The following ANKRD18B variants were observed in gnomAD, a reference collection of about 807,000 sequenced individuals.
ANKRD18B encodes the protein ankyrin repeat domain 18B.
In ANKRD18B, 75 loss-of-function variants were observed where a neutral mutation model predicts 111.8. The ratio of observed to expected loss-of-function variants is 0.67; its 90% CI spans 0.56 to 0.81. ANKRD18B has a LOEUF of 0.81. Among genes scored for constraint, ANKRD18B ranks in the 40% least tolerant of loss-of-function variants. The pLI, the probability that ANKRD18B is intolerant of heterozygous loss-of-function variation, is 0.00. For synonymous variants in ANKRD18B, 356 were observed against 417.3 expected (o/e 0.85, Z 1.79); for missense variants, 1,038 against 1,225.5 (o/e 0.85, Z 2.28).
chr9:33,547,106 G>A (rs1332755525), intron 10 of ANKRD18B, among the ~76,000 whole-genome samples: 25 of 152,140 alleles, frequency 1.6e-4, no homozygotes, highest in Admixed American at 1.6e-3. Context: ...GCCCCACAAG[G>A]TCACATCCTC....
At chr9:33,559,010 G>A (rs561790479) in intron 14 of ANKRD18B, among the ~76,000 whole-genome samples, 1 of 152,318 alleles carries the variant, frequency 6.6e-6, no homozygotes, top group South Asian at 2.1e-4. Flanking sequence ...CAAGTCATAG[G>A]TGGGTTTTAA....
At chr9:33,573,143 T>C (rs546377529), downstream of ANKRD18B, 3 of 1,370,290 alleles carry the variant, frequency 2.2e-6, 1 homozygote, top group African/African-American at 4.4e-5. Context: ...TGTTCTAAAC[T>C]AATGTTGTAT....
At chr9:33,545,090 G>A (rs951470756) in intron 10 of ANKRD18B, among the ~76,000 whole-genome samples, 19 of 152,188 alleles carry the variant, frequency 1.2e-4, no homozygotes, top group South Asian at 1.2e-3. Context: ...AGGTCTTATC[G>A]TTGCATTTAT....
In ANKRD18B at chr9:33,548,002, T is replaced by C; in HGVS notation, c.1214T>C (p.Ile405Thr). 1.3e-6 allele frequency: 2 copies of C among 1,497,908 alleles called. No homozygotes were observed. The highest frequency in any genetic ancestry group is 1.8e-6 in the Non-Finnish European group (2 of 1,126,014). The allele number at this position is 1,497,908 out of a possible 1,614,324, so 92.8% of individuals were successfully genotyped here. A position where few individuals can be genotyped will look rare whatever the true frequency, so the allele number is the denominator to read the frequency against. ...MFGNFMLKRD[I>T]AMLKEELYAI... Reference sequence around the variant, plus strand: ...GGAAATTTTATGTTGAAGAGAGACATTGCCATGCTCAAAGAGGAATTATAT... The same window carrying C: ...GGAAATTTTATGTTGAAGAGAGACACTGCCATGCTCAAAGAGGAATTATAT... Residue 405 changes from isoleucine to threonine, a missense_variant, in exon 11 of 19, where the codon ATT (isoleucine) becomes ACT (threonine). This residue lies in a region of ANKRD18B where 205 missense variants were observed against 201.3 expected (regional missense o/e 1.02). Transcript: ENST00000684830.
chr9:33,563,399 T>C (rs1828635588), intron 14 of ANKRD18B, among the ~76,000 whole-genome samples: 1 of 152,208 alleles, frequency 6.6e-6, no homozygotes, highest in South Asian at 2.1e-4. Context: ...ATGTGTTTGA[T>C]GGTTGATGCT....
chr9:33,566,391 C>T lies in ANKRD18B; in HGVS notation c.2633C>T (p.Thr878Ile), dbSNP rs1233046567. The change falls in exon 15 of 19, where the codon ACA becomes ATA. Residue 878 changes from threonine (T) to isoleucine (I), a missense_variant. This residue lies in a region of ANKRD18B where 524 missense variants were observed against 677.9 expected (regional missense o/e 0.77). Coordinates refer to ENST00000684830, the MANE Select transcript of ANKRD18B (RefSeq NM_001393611.1). ...MLEEKVLNLK[T>I]HMEKDMVELG... ...GAAGAAAAAGTATTAAATCTTAAGA[C>T]ACATATGGAAAAAGATATGGTAGAA... 1.9e-6 allele frequency: 3 copies of T among 1,599,866 alleles called. No homozygotes were observed. Among genetic ancestry groups the T allele is most frequent in the Non-Finnish European group, 2.6e-6 (3 of 1,171,838 alleles).
chr9:33,541,088 G>A, intron 8 of ANKRD18B, 59 bp from the exon 9 acceptor site: 1 of 1,529,066 alleles, frequency 6.5e-7, no homozygotes, highest in Non-Finnish European at 8.8e-7. Flanking sequence ...TGCCAGGTAA[G>A]GAGGCAGAGG....
intron 9 of ANKRD18B, 74 bp from the exon 10 acceptor site, chr9:33,543,111 T>C (rs1828303600): frequency 1.5e-6 from 2 of 1,302,848 alleles, no homozygotes; most frequent in East Asian, 2.5e-5. Context: ...GTGTGTGTTG[T>C]TTTGTATCAA....
intron 10 of ANKRD18B, among the ~76,000 whole-genome samples, 163 bp from the exon 11 acceptor site, chr9:33,547,775 T>C (rs535746563): frequency 1.4e-4 from 22 of 151,962 alleles, no homozygotes; most frequent in Non-Finnish European, 2.1e-4. Context: ...TTGAAATGTA[T>C]GTTCTCTAAG....
At chr9:33,556,633 G>C (rs1049373012) in intron 13 of ANKRD18B, among the ~76,000 whole-genome samples, 13 of 152,244 alleles carry the variant, frequency 8.5e-5, no homozygotes, top group Non-Finnish European at 1.2e-4. Context: ...TATCTAGTTT[G>C]AATTTTTATT....
At position 33,524,460 on chromosome 9, in the gene ANKRD18B, C is replaced by T. The variant is rs1222981768; in HGVS notation, c.-30C>T. On this transcript the variant is annotated 5_prime_UTR_variant, in exon 1 of 19. Transcript: ENST00000684830. The stretch of plus-strand genomic sequence containing the variant: ...ACGAGGAGCCGCGGCGTCTCAGGAG[C>T]GGGTGGTGGGCATCTGAGAAGTCGC... The T allele has an allele frequency of 9.2e-6, 14 of 1,515,034 alleles. No homozygotes were observed. Among genetic ancestry groups the T allele is most frequent in the Non-Finnish European group, 1.2e-5 (14 of 1,129,538 alleles). The allele number at this position is 1,515,034 out of a possible 1,614,324, so 93.8% of individuals were successfully genotyped here.
intron 12 of ANKRD18B, among the ~76,000 whole-genome samples, chr9:33,553,242 C>T (rs1162482269): frequency 6.6e-6 from 1 of 151,668 alleles, no homozygotes; most frequent in African/African-American, 2.4e-5. Flanking sequence ...GTGGTGCATG[C>T]CTGTAATCCC....
chr9:33,573,912 G>A (rs1828821060), downstream of ANKRD18B, among the ~76,000 whole-genome samples: 4 of 145,028 alleles, frequency 2.8e-5, 1 homozygote, highest in South Asian at 9.1e-4. Context: ...CTAGTCAGTG[G>A]GGACCTGGTC....
At chr9:33,574,031 T>G (rs1038577936), downstream of ANKRD18B, among the ~76,000 whole-genome samples, 11 of 144,356 alleles carry the variant, frequency 7.6e-5, no homozygotes, top group African/African-American at 2.7e-4. Flanking sequence ...GGGGCCTTAG[T>G]GGCTTGGAGC....
chr9:33,534,499 T>C lies in ANKRD18B; in HGVS notation c.732T>C (p.Asp244=). The C allele has an allele frequency of 1.9e-6, 3 of 1,543,570 alleles. No homozygotes were observed. Among genetic ancestry groups the C allele is most frequent in the Non-Finnish European group, 2.6e-6 (3 of 1,144,514 alleles). Residue 244 remains aspartate (D), a synonymous_variant, in exon 5 of 19, where the codon GAT becomes GAC. Transcript: ENST00000684830. Reference sequence around the variant, plus strand: ...CCGAGGATTATGCTTTTTGTTGTGATTTGAGAAGGTATGTGCTTATATTAA... The same window carrying C: ...CCGAGGATTATGCTTTTTGTTGTGACTTGAGAAGGTATGTGCTTATATTAA... ...QTAEDYAFCC[D]LRSIQQQILE... is the part of the protein sequence containing the mutation.
Position 33,548,531 on chromosome 9 carries a change from C to A in ANKRD18B, c.1743C>A (p.Asp581Glu), listed in dbSNP as rs1035516204. 3.2e-6 allele frequency: 5 copies of A among 1,550,856 alleles called. No individual in the cohort carries two copies. Among genetic ancestry groups the A allele is most frequent in the Non-Finnish European group, 4.4e-6 (5 of 1,146,534 alleles). The stretch of plus-strand genomic sequence containing the variant: ...TGGCTTTAGAAAGTGTACAGCTGGA[C>A]CTAAAGCAAGCGCAGCATCGAATAA... ...KTLALESVQLDLKQAQHRIKE... is the reference protein window; with the variant it reads ...KTLALESVQLELKQAQHRIKE... The change falls in exon 11 of 19, where the codon GAC (aspartate) becomes GAA (glutamate). Residue 581 changes from aspartate to glutamate, a missense_variant. Transcript: ENST00000684830.
Position 33,548,522 on chromosome 9 carries a change from A to G in ANKRD18B, c.1734A>G (p.Val578=). ...LREKTLALES[V]QLDLKQAQHR... is the part of the protein sequence containing the mutation. Reference sequence around the variant, plus strand: ...AAAAGACATTGGCTTTAGAAAGTGTACAGCTGGACCTAAAGCAAGCGCAGC... The same window carrying G: ...AAAAGACATTGGCTTTAGAAAGTGTGCAGCTGGACCTAAAGCAAGCGCAGC... Residue 578 remains valine, a synonymous_variant, in exon 11 of 19, where the codon GTA becomes GTG. Coordinates refer to ENST00000684830, the MANE Select transcript of ANKRD18B (RefSeq NM_001393611.1). 6.4e-7 allele frequency: 1 copy of G among 1,551,118 alleles called. No homozygotes were observed.
chr9:33,526,916 C>T (rs960235623), intron 1 of ANKRD18B, among the ~76,000 whole-genome samples: 4 of 152,184 alleles, frequency 2.6e-5, no homozygotes, highest in Middle Eastern at 6.8e-3. Context: ...TTTGAGCTCC[C>T]CAACTGTATT....
At chr9:33,534,631 G>A (rs1828169095) in intron 5 of ANKRD18B, 124 bp downstream of exon 5, 3 of 1,274,752 alleles carry the variant, frequency 2.4e-6, no homozygotes, top group Non-Finnish European at 3.1e-6. Context: ...ATGGCAACAA[G>A]TTAGTCCACT....
Sources: gnomAD v4.1 joint callset for allele counts (sites outside exome capture counted in the v4.1 genomes callset) on GRCh38, gnomAD v4.1.1 for gene constraint, gnomAD v4.1.1 regional missense constraint, MANE v1.5 for transcripts, NCBI Gene and HGNC (gene_info 2026-07-23, HGNC 2026-07-21) for gene names.